PRPF31: variants seen among roughly 807,000 people sequenced by gnomAD.
PRPF31 encodes the protein pre-mRNA processing factor 31.
PRPF31 carries 12 observed loss-of-function variants against 60.4 expected under a neutral mutation model. The observed-to-expected ratio is 0.20, with a 90% CI of 0.13 to 0.32. The LOEUF (loss-of-function observed/expected upper bound fraction) is 0.32. Among genes scored for constraint, PRPF31 ranks in the 10% least tolerant of loss-of-function variants. The pLI is 1.00. For synonymous variants in PRPF31, 287 were observed against 287.9 expected (o/e 1.00, Z 0.03); for missense variants, 431 against 687.1 (o/e 0.63, Z 4.17).
intron 3 of PRPF31, 114 bp downstream of exon 3, chr19:54,118,747 TC>T: frequency 9.4e-7 from 1 of 1,060,886 alleles, no homozygotes; most frequent in Non-Finnish European, 1.4e-6. Context: ...TCCAGAGCCT[TC>T]TTTTTTTTTT....
intron 7 of PRPF31, 48 bp downstream of exon 7, chr19:54,123,966 T>A (rs754094296): frequency 1.9e-6 from 3 of 1,609,148 alleles, no homozygotes; most frequent in Non-Finnish European, 2.5e-6. Flanking sequence ...GCTGACACTG[T>A]GACCTTGGGA....
intron 3 of PRPF31, 195 bp downstream of exon 3, chr19:54,118,828 C>T (rs1386812581): frequency 1.6e-6 from 1 of 618,422 alleles, no homozygotes; most frequent in Non-Finnish European, 2.8e-6. Flanking sequence ...TTCTTAAGTC[C>T]TTCCTGTGTG....
intron 13 of PRPF31, among the ~76,000 whole-genome samples, chr19:54,130,612 C>A (rs1472511565): frequency 1.1e-4 from 17 of 149,794 alleles, no homozygotes; most frequent in Non-Finnish European, 1.5e-5. Flanking sequence ...GCGACAGAGC[C>A]AGACTCTGTC....
chr19:54,121,829 TACTC>T lies in PRPF31; in HGVS notation c.239-28_239-25del, dbSNP rs756999833. On this transcript the variant is annotated intron_variant, in intron 3 of 13. Transcript: ENST00000321030. ...ACCCGAGAGGGGGTAGGGATTTAGA[TACTC>T]ACACCCATGCCTCCGTGTCCTCACA... is the stretch of plus-strand genomic sequence containing the variant. 5 of 1,586,602 alleles carry T rather than the reference TACTC, an allele frequency of 3.2e-6. No homozygotes were observed. The South Asian group carries it at 5.7e-5, about 18-fold the overall frequency.
Position 54,129,379 on chromosome 19 carries a change from C to T in PRPF31, c.1374+9C>T, listed in dbSNP as rs727504108. On this transcript the variant is annotated intron_variant, in intron 13 of 13. Transcript: ENST00000321030. ...CCTTCACCCCACTCCAGGTACCTCC[C>T]CTGGGCCGGCTCTGTCCCCAGCCCT... 2.0e-5 allele frequency: 31 copies of T among 1,584,254 alleles called. No homozygotes were observed. The African/African-American group carries it at 2.2e-4, about 11-fold the overall frequency.
chr19:54,124,031 C>G, intron 7 of PRPF31, 113 bp downstream of exon 7: 10 of 1,539,754 alleles, frequency 6.5e-6, no homozygotes, highest in Non-Finnish European at 8.7e-6. Flanking sequence ...CTCAGCACCC[C>G]GTCTCCCTGG....
intron 8 of PRPF31, among the ~76,000 whole-genome samples, chr19:54,125,793 G>A (rs1031011095): frequency 7.2e-5 from 11 of 152,182 alleles, no homozygotes; most frequent in African/African-American, 2.7e-4. Context: ...TGGGAGGAGA[G>A]AGAGTGGGCG....
chr19:54,117,902 T>C (rs76992175), intron 1 of PRPF31, among the ~76,000 whole-genome samples: 13,107 of 151,836 alleles, frequency 0.086, 608 homozygotes, highest in South Asian at 0.11. Flanking sequence ...AGTAAGCACA[T>C]AGATAAGCCA....
intron 4 of PRPF31, chr19:54,122,274 T>C: frequency 4.6e-6 from 3 of 648,164 alleles, no homozygotes; most frequent in South Asian, 1.8e-5. Context: ...TTCTTTTCTT[T>C]AAGAACATGT....
At chr19:54,122,374 C>A (rs1033215139) in intron 4 of PRPF31, 123 bp from the exon 5 acceptor site, 26 of 809,456 alleles carry the variant, frequency 3.2e-5, no homozygotes, top group African/African-American at 3.2e-4. Flanking sequence ...TGCTGGTGCC[C>A]GTGTGCCAGG....
intron 8 of PRPF31, 48 bp downstream of exon 8, chr19:54,124,704 C>A (rs760872465): frequency 6.3e-7 from 1 of 1,592,332 alleles, no homozygotes; most frequent in Non-Finnish European, 8.6e-7. Flanking sequence ...CTGGAGCCTT[C>A]CGCTGTGCCC....
intron 2 of PRPF31, 55 bp downstream of exon 2, chr19:54,118,510 G>A: frequency 1.2e-6 from 2 of 1,613,638 alleles, no homozygotes; most frequent in South Asian, 2.2e-5. Flanking sequence ...TCTCCCAGAA[G>A]GGGGTGATAC....
At chr19:54,118,490 C>T (rs750638345) in intron 2 of PRPF31, 35 bp downstream of exon 2, 3 of 1,613,966 alleles carry the variant, frequency 1.9e-6, no homozygotes, top group Admixed American at 3.3e-5. Flanking sequence ...GCAGGGGGCT[C>T]TAGACAGAAT....
intron 3 of PRPF31, 165 bp downstream of exon 3, chr19:54,118,798 T>C: frequency 1.5e-6 from 1 of 654,870 alleles, no homozygotes; most frequent in East Asian, 2.7e-5. Context: ...TAAATATATA[T>C]TGCATTGTAA....
intron 11 of PRPF31, 140 bp from the exon 12 acceptor site, chr19:54,128,917 G>A (rs2073988310): frequency 6.8e-6 from 6 of 879,986 alleles, no homozygotes; most frequent in Non-Finnish European, 9.1e-6. Context: ...CCTCAGCCGG[G>A]CCGAGTGGGT....
intron 13 of PRPF31, 126 bp downstream of exon 13, chr19:54,129,496 G>C: frequency 8.4e-7 from 1 of 1,189,046 alleles, no homozygotes. Flanking sequence ...GTGGTGACGA[G>C]GTATGCAGAG....
intron 8 of PRPF31, among the ~76,000 whole-genome samples, chr19:54,125,495 CAA>C (rs144173467): frequency 6.9e-5 from 9 of 129,544 alleles, no homozygotes; most frequent in Non-Finnish European, 8.3e-5. Context: ...GACTCTGTCT[CAA>C]AAAAAAAAAA....
In PRPF31 at chr19:54,128,134, C is replaced by T; in HGVS notation, c.1007C>T (p.Pro336Leu). 6.4e-7 allele frequency: 1 copy of T among 1,555,970 alleles called. No homozygotes were observed. Among genetic ancestry groups the T allele is most frequent in the Non-Finnish European group, 8.7e-7 (1 of 1,150,306 alleles). The change falls in exon 10 of 14, where the codon CCT (proline) becomes CTT (leucine). Residue 336 changes from proline (P) to leucine (L), a missense_variant. Coordinates refer to ENST00000321030, the MANE Select transcript of PRPF31 (RefSeq NM_015629.4). ...RKFDKWQEPP[P>L]VKQVKPLPAP... ...TTCGACAAGTGGCAGGAGCCGCCGC[C>T]TGTGAAGCAGGTGAAGCCGCTGCCT...
At chr19:54,117,465 A>G (rs1430916520) in intron 1 of PRPF31, among the ~76,000 whole-genome samples, 11 of 152,182 alleles carry the variant, frequency 7.2e-5, no homozygotes, top group Non-Finnish European at 1.0e-4. Context: ...GCTGGTGTCA[A>G]GTCAACAATG....
Sources: allele counts gnomAD v4.1 joint callset (sites outside exome capture counted in the v4.1 genomes callset), GRCh38; gene constraint gnomAD v4.1.1; transcripts MANE v1.5; gene names NCBI Gene and HGNC (gene_info 2026-07-23, HGNC 2026-07-21).